The following TM4SF1 variants were observed in gnomAD, a reference collection of about 807,000 sequenced individuals.
TM4SF1 encodes transmembrane 4 L six family member 1.
In TM4SF1, 20 loss-of-function variants were observed where a neutral mutation model predicts 24.5. The observed-to-expected ratio is 0.82, with a 90% confidence interval of 0.57 to 1.19. TM4SF1 has a LOEUF of 1.19. Among genes scored for constraint, TM4SF1 ranks in the 50% most tolerant of loss-of-function variants. TM4SF1 has a pLI of 0.00. For missense variants in TM4SF1, 258 were observed against 248.1 expected (o/e 1.04, Z -0.27); for synonymous variants, 107 against 95.4 (o/e 1.12, Z -0.71).
At chr3:149,371,332 A>G (rs1468534935) in intron 4 of TM4SF1, 13 of 454,642 alleles carry the variant, frequency 2.9e-5, no homozygotes, top group Non-Finnish European at 4.3e-5. Flanking sequence ...TTACTTATGT[A>G]TACTAGTTGG....
intron 3 of TM4SF1, among the ~76,000 whole-genome samples, chr3:149,374,296 CT>C (rs1406642036): frequency 1.3e-5 from 2 of 152,192 alleles, no homozygotes; most frequent in African/African-American, 4.8e-5. Flanking sequence ...AATTCATGAT[CT>C]CATAACTGTG....
intron 4 of TM4SF1, 124 bp from the exon 5 acceptor site, chr3:149,370,004 C>T: frequency 4.9e-6 from 6 of 1,222,554 alleles, no homozygotes; most frequent in Non-Finnish European, 6.8e-6. Context: ...AAAGCTTAGG[C>T]CAACCATACT....
At chr3:149,376,737 T>C (rs1180869927) in intron 1 of TM4SF1, among the ~76,000 whole-genome samples, 1 of 152,224 alleles carries the variant, frequency 6.6e-6, no homozygotes, top group East Asian at 1.9e-4. Flanking sequence ...TTGAAGCTAA[T>C]GCTTTCAGCT....
At chr3:149,371,578 A>G in intron 4 of TM4SF1, 109 bp downstream of exon 4, 6 of 1,120,072 alleles carry the variant, frequency 5.4e-6, no homozygotes, top group Non-Finnish European at 8.1e-6. Flanking sequence ...TGATATCAGA[A>G]TAAATGCTGG....
chr3:149,377,492 A>C lies in TM4SF1; in HGVS notation c.56T>G (p.Leu19Arg). 1.2e-6 allele frequency: 2 copies of C among 1,614,160 alleles called. No individual in the cohort carries two copies. The highest frequency in any genetic ancestry group is 1.7e-6 in the Non-Finnish European group (2 of 1,180,038). The change falls in exon 1 of 5, where the codon CTC (leucine) becomes CGC (arginine). Residue 19 changes from leucine to arginine, a missense_variant. By Grantham distance (102) the Leu-to-Arg change is moderately radical (BLOSUM62 -2). Transcript: ENST00000305366. The part of the protein sequence containing the change: ...CIGHSLVGLA[L>R]LCIAANILLY... The stretch of plus-strand genomic sequence containing the variant: ...CAAAATATTAGCCGCGATGCACAGG[A>C]GGGCGAGCCCCACCAGAGAATGTCC...
intron 1 of TM4SF1, among the ~76,000 whole-genome samples, chr3:149,376,030 C>G (rs760941595): frequency 6.6e-6 from 1 of 152,096 alleles, no homozygotes; most frequent in Non-Finnish European, 1.5e-5. Context: ...AAACTGTAAA[C>G]GTGTTTATTC....
At chr3:149,372,173 TA>T (rs1731840258) in intron 3 of TM4SF1, among the ~76,000 whole-genome samples, 2 of 152,098 alleles carry the variant, frequency 1.3e-5, no homozygotes, top group African/African-American at 2.4e-5. Flanking sequence ...TAAACAAAAA[TA>T]AAAATGCAGA....
chr3:149,376,819 T>C (rs1731965225), intron 1 of TM4SF1, among the ~76,000 whole-genome samples: 1 of 152,228 alleles, frequency 6.6e-6, no homozygotes, highest in Non-Finnish European at 1.5e-5. Flanking sequence ...CATTCCACTA[T>C]TAGCTTCAGA....
At chr3:149,374,888 T>C (rs1476666587) in intron 3 of TM4SF1, among the ~76,000 whole-genome samples, 2 of 152,222 alleles carry the variant, frequency 1.3e-5, no homozygotes, top group Non-Finnish European at 2.9e-5. Flanking sequence ...GTATAATGTA[T>C]GAAGTAATTG....
intron 3 of TM4SF1, 36 bp downstream of exon 3, chr3:149,375,407 T>G (rs1246198713): frequency 1.9e-6 from 3 of 1,610,500 alleles, no homozygotes; most frequent in Non-Finnish European, 2.5e-6. Flanking sequence ...ATGTGGTGGA[T>G]AAAAATGTGT....
chr3:149,370,863 G>C (rs762485032), intron 4 of TM4SF1: 1 of 152,060 alleles, frequency 6.6e-6, no homozygotes, highest in Non-Finnish European at 1.5e-5. Flanking sequence ...GGAGTAAATG[G>C]TTTGAAAAAT....
In TM4SF1 at chr3:149,369,734, T is replaced by C. The variant is rs764217796; in HGVS notation, c.*132A>G. The C allele has an allele frequency of 4.6e-6, 5 of 1,090,496 alleles. No homozygotes were observed. The African/African-American group carries it at 4.9e-5, about 11-fold the overall frequency. The allele number at this position is 1,090,496 out of a possible 1,614,324, so 67.6% of individuals were successfully genotyped here. ...GACATCCTGTGAAGATGCCAGTCTT[T>C]ACAGGCGTTTGTAAAAGTAGACTGT... On this transcript the variant is annotated 3_prime_UTR_variant, in exon 5 of 5. Coordinates refer to ENST00000305366, the MANE Select transcript of TM4SF1 (RefSeq NM_014220.3).
Position 149,375,899 on chromosome 3 carries a change from C to A in TM4SF1, c.178-130G>T, listed in dbSNP as rs533784985. ...GGCTTTGATTAGGTTGACCAGATAT[C>A]TCAAAGAATGTAAACCTCTGAGGAG... On this transcript the variant is annotated intron_variant, in intron 1 of 4. Transcript: ENST00000305366. 10 of 795,442 alleles carry A rather than the reference C, an allele frequency of 1.3e-5. No homozygotes were observed. In the Admixed American group the frequency reaches 1.5e-4, roughly 12 times the overall value. The allele number at this position is 795,442 out of a possible 1,614,324, so 49.3% of individuals were successfully genotyped here. A position where few individuals can be genotyped will look rare whatever the true frequency, so the allele number is the denominator to read the frequency against.
rs750087768 is a variant in TM4SF1, at chr3:149,375,751, C to G, written c.196G>C (p.Val66Leu). The change falls in exon 2 of 5, where the codon GTC becomes CTC. Residue 66 changes from valine (V) to leucine (L), a missense_variant. Physicochemically the swap from Val to Leu is conservative, Grantham distance 32 (BLOSUM62 1). Coordinates refer to ENST00000305366, the MANE Select transcript of TM4SF1 (RefSeq NM_014220.3). ...GGLLMLLPAF[V>L]FIGLEQDDCC... ...TCATCCTGTTCCAGCCCAATGAAGA[C>G]AAATGCTGGCAGGAGCATCTGGTTA... 6.8e-6 allele frequency: 11 copies of G among 1,614,222 alleles called. No individual in the cohort carries two copies. In the South Asian group the frequency reaches 1.2e-4, roughly 18 times the overall value.
intron 4 of TM4SF1, chr3:149,370,097 C>T: frequency 2.1e-6 from 1 of 469,196 alleles, no homozygotes; most frequent in Non-Finnish European, 3.7e-6. Context: ...GCAGAAAGGG[C>T]CCATAGAAAC....
At chr3:149,373,657 AT>A (rs1731884394) in intron 3 of TM4SF1, among the ~76,000 whole-genome samples, 1 of 152,154 alleles carries the variant, frequency 6.6e-6, no homozygotes, top group Non-Finnish European at 1.5e-5. Flanking sequence ...GTAAAAAAAA[AT>A]TTTTGGCTCC....
chr3:149,369,635 T>C lies in TM4SF1; in HGVS notation c.*231A>G, dbSNP rs576063789. 2 of 498,952 alleles carry C rather than the reference T, an allele frequency of 4.0e-6. No individual in the cohort carries two copies. The highest frequency in any genetic ancestry group is 5.6e-4 in the Middle Eastern group (1 of 1,788). 30.9% of individuals were successfully genotyped at this position (498,952 alleles called of 1,614,324 possible). A position where few individuals can be genotyped will look rare whatever the true frequency, so the allele number is the denominator to read the frequency against. ...CTGTAAATTACCCCCAGAGGGTGGT[T>C]TGTTTCCTCATTCCTTAAAAAAAAA... On this transcript the variant is annotated 3_prime_UTR_variant, in exon 5 of 5. Transcript: ENST00000305366.
intron 3 of TM4SF1, among the ~76,000 whole-genome samples, chr3:149,374,174 A>G (rs1013525504): frequency 2.0e-5 from 3 of 152,202 alleles, no homozygotes; most frequent in Non-Finnish European, 1.5e-5. Flanking sequence ...ATTAATTCTC[A>G]TGACAATTGC....
Position 149,376,229 on chromosome 3 carries a change from G to A in TM4SF1, c.178-460C>T, listed in dbSNP as rs1266669784. 2.0e-5 allele frequency among the ~76,000 whole-genome samples: 3 copies of A among 152,286 alleles called. No individual in the cohort carries two copies. The East Asian group carries it at 5.8e-4, about 29-fold the overall frequency. On this transcript the variant is annotated intron_variant, in intron 1 of 4. Coordinates refer to ENST00000305366, the MANE Select transcript of TM4SF1 (RefSeq NM_014220.3). The stretch of plus-strand genomic sequence containing the variant: ...TATAATAAATATTAACTGCTTCCTT[G>A]ATTATACAAATGCATAGTTTTAACT...
Sources: allele counts gnomAD v4.1 joint callset (sites outside exome capture counted in the v4.1 genomes callset), GRCh38; gene constraint gnomAD v4.1.1; transcripts MANE v1.5; gene names NCBI Gene and HGNC (gene_info 2026-07-23, HGNC 2026-07-21).